NKAIN3: variants seen among roughly 807,000 people sequenced by gnomAD.
NKAIN3 encodes the protein sodium/potassium-transporting ATPase subunit beta-1-interacting protein 3.
In NKAIN3, 25 loss-of-function variants were observed where a neutral mutation model predicts 30.2. The observed-to-expected ratio is 0.83, with a 90% CI of 0.60 to 1.16. The LOEUF (loss-of-function observed/expected upper bound fraction) is 1.16. NKAIN3 is among the 50% of genes most tolerant of loss of function. The probability of loss-of-function intolerance (pLI) is 0.00; values close to 1 mark genes in which losing one functional copy is unlikely to be tolerated. For missense variants in NKAIN3, 225 were observed against 254.1 expected (o/e 0.89, Z 0.78); for synonymous variants, 91 against 89.6 (o/e 1.02, Z -0.09).
At chr8:62,844,865 C>T (rs541584324) in intron 4 of NKAIN3, among the ~76,000 whole-genome samples, 6 of 151,954 alleles carry the variant, frequency 3.9e-5, no homozygotes, top group Non-Finnish European at 7.4e-5. Flanking sequence ...CCTGGGCAGT[C>T]GACTAACCAC....
rs561755950 is a variant in NKAIN3, at chr8:62,904,901, A to C, written c.472-13552A>C. Among the ~76,000 whole-genome samples the C allele has an allele frequency of 1.8e-3, 272 of 152,314 alleles. 6 individuals carry two copies. Among genetic ancestry groups the C allele is most frequent in the Middle Eastern group, 3.4e-3 (1 of 294 alleles). ...TATTCAAGGAGTATGATGATGTGTC[A>C]AAGTAGAGGAAGAAGCAGATTCTCT... On this transcript the variant is annotated intron_variant, in intron 4 of 6. Transcript: ENST00000623646.
In NKAIN3 at chr8:62,458,767, A is replaced by G. The variant is rs530285840; in HGVS notation, c.55-120772A>G. On this transcript the variant is annotated intron_variant, in intron 1 of 6. Transcript: ENST00000623646. ...TGTATGAGATAACTTCCCAATATCT[A>G]AAGTTTATCATCAGAATTCATTGCA... Among the ~76,000 whole-genome samples the G allele has an allele frequency of 2.4e-4, 37 of 152,364 alleles. No homozygotes were observed. The South Asian group carries it at 6.8e-3, about 28-fold the overall frequency.
chr8:62,293,371 T>C (rs1813717382), intron 1 of NKAIN3, among the ~76,000 whole-genome samples: 1 of 152,236 alleles, frequency 6.6e-6, no homozygotes, highest in Admixed American at 6.5e-5. Flanking sequence ...TGCTGTTTTA[T>C]CTACCTTTGG....
At chr8:62,456,269 C>T (rs1162781317) in intron 1 of NKAIN3, among the ~76,000 whole-genome samples, 1 of 152,180 alleles carries the variant, frequency 6.6e-6, no homozygotes, top group African/African-American at 2.4e-5. Flanking sequence ...CGCCTGTAAT[C>T]CCAGAACTTT....
intron 1 of NKAIN3, 143 bp from the exon 2 acceptor site, chr8:62,579,396 T>A: frequency 5.2e-6 from 3 of 574,740 alleles, no homozygotes; most frequent in Non-Finnish European, 8.8e-6. Flanking sequence ...GCACATGAAA[T>A]AAGAATGAAA....
chr8:62,764,665 A>G (rs1816777449), intron 4 of NKAIN3, among the ~76,000 whole-genome samples: 1 of 152,104 alleles, frequency 6.6e-6, no homozygotes, highest in South Asian at 2.1e-4. Flanking sequence ...AGGTCTCAAT[A>G]TGTTCCCCAG....
chr8:62,396,415 T>C (rs1817767207), intron 1 of NKAIN3, among the ~76,000 whole-genome samples: 1 of 152,226 alleles, frequency 6.6e-6, no homozygotes, highest in Non-Finnish European at 1.5e-5. Flanking sequence ...AATGAAAAGC[T>C]TAGGCTTTTC....
At chr8:62,491,877 GC>G (rs1228494344) in intron 1 of NKAIN3, among the ~76,000 whole-genome samples, 1 of 151,974 alleles carries the variant, frequency 6.6e-6, no homozygotes, top group Non-Finnish European at 1.5e-5. Context: ...AAAAAGAGAA[GC>G]CCATAAAGAC....
intron 3 of NKAIN3, among the ~76,000 whole-genome samples, chr8:62,592,512 A>G (rs1220183851): frequency 6.6e-6 from 1 of 152,010 alleles, no homozygotes; most frequent in Non-Finnish European, 1.5e-5. Context: ...TAATTAACTA[A>G]CTAAATAAAA....
chr8:62,688,735 CAG>C (rs1199426322), intron 3 of NKAIN3, among the ~76,000 whole-genome samples: 4 of 140,328 alleles, frequency 2.9e-5, no homozygotes, highest in African/African-American at 8.7e-5. Flanking sequence ...GACAGACAGA[CAG>C]ACAGACACAC....
intron 1 of NKAIN3, among the ~76,000 whole-genome samples, chr8:62,490,675 A>G (rs1205275105): frequency 6.6e-6 from 1 of 152,156 alleles, no homozygotes; most frequent in Admixed American, 6.5e-5. Flanking sequence ...TGTCTCATAA[A>G]GTGTAAGATT....
chr8:62,426,371 A>G (rs188564299), intron 1 of NKAIN3, among the ~76,000 whole-genome samples: 74 of 152,128 alleles, frequency 4.9e-4, no homozygotes, highest in Non-Finnish European at 2.2e-4. Flanking sequence ...TTTAAAAGCT[A>G]GTTACTTCAG....
chr8:62,354,850 T>C (rs1816296471), intron 1 of NKAIN3, among the ~76,000 whole-genome samples: 1 of 152,154 alleles, frequency 6.6e-6, no homozygotes, highest in Non-Finnish European at 1.5e-5. Context: ...CCCTGATACA[T>C]GTACAGGCAG....
chr8:62,633,851 G>A (rs1812041503), intron 3 of NKAIN3, among the ~76,000 whole-genome samples: 1 of 152,124 alleles, frequency 6.6e-6, no homozygotes, highest in African/African-American at 2.4e-5. Context: ...TACAAGAGGT[G>A]CCTGTCATTT....
intron 5 of NKAIN3, chr8:62,990,135 T>C (rs889333781): frequency 1.6e-5 from 16 of 978,378 alleles, no homozygotes; most frequent in African/African-American, 3.3e-5. Flanking sequence ...TAAATGTTGA[T>C]ATTTTAAAAA....
intron 1 of NKAIN3, among the ~76,000 whole-genome samples, chr8:62,357,432 G>A (rs1387775219): frequency 6.6e-6 from 1 of 152,116 alleles, no homozygotes; most frequent in Non-Finnish European, 1.5e-5. Flanking sequence ...AGGAAGAAAA[G>A]CATTCCATAA....
chr8:62,593,064 A>C (rs1262808210), intron 3 of NKAIN3, among the ~76,000 whole-genome samples: 3 of 152,082 alleles, frequency 2.0e-5, no homozygotes, highest in Admixed American at 6.6e-5. Context: ...GTACAAAATA[A>C]AATATTTGAA....
intron 3 of NKAIN3, among the ~76,000 whole-genome samples, chr8:62,654,768 A>G (rs985422202): frequency 3.3e-5 from 5 of 152,164 alleles, no homozygotes; most frequent in African/African-American, 1.2e-4. Flanking sequence ...ATTCTCATGA[A>G]ACACAGGAGG....
At chr8:62,756,395 T>C (rs1418791203) in intron 4 of NKAIN3, among the ~76,000 whole-genome samples, 3 of 152,190 alleles carry the variant, frequency 2.0e-5, no homozygotes, top group African/African-American at 4.8e-5. Context: ...GTAGCATGTA[T>C]CAGAACTTCC....
Sources: allele counts gnomAD v4.1 joint callset (sites outside exome capture counted in the v4.1 genomes callset), GRCh38; gene constraint gnomAD v4.1.1; transcripts MANE v1.5; gene names NCBI Gene and HGNC (gene_info 2026-07-23, HGNC 2026-07-21).